PLCG1: variants seen among roughly 807,000 people sequenced by gnomAD.
The protein encoded by PLCG1 is phospholipase C gamma 1.
PLCG1 carries 71 observed loss-of-function variants against 177.8 expected under a neutral mutation model. The ratio of observed to expected loss-of-function variants is 0.40; its 90% confidence interval spans 0.33 to 0.49. The LOEUF is 0.49. Among genes scored for constraint, PLCG1 ranks in the 20% least tolerant of loss-of-function variants. The pLI, the probability that PLCG1 is intolerant of heterozygous loss-of-function variation, is 0.72. For missense variants in PLCG1, 1,281 were observed against 1,709.0 expected, an observed-to-expected ratio of 0.75 and a Z score of 4.42; for synonymous variants, 658 against 647.9, an observed-to-expected ratio of 1.02 and a Z score of -0.24.
Position 41,137,689 on chromosome 20 carries a change from G to C in PLCG1, c.48G>C (p.Ala16=). ...SPCANGCGPG[A]PSDAEVLHLC... Reference sequence around the variant, plus strand: ...GCGCCAACGGCTGCGGGCCCGGCGCGCCCTCGGACGCCGAGGTGCTGCACC... The same window carrying C: ...GCGCCAACGGCTGCGGGCCCGGCGCCCCCTCGGACGCCGAGGTGCTGCACC... The change falls in exon 1 of 32, where the codon GCG becomes GCC. Residue 16 remains alanine, a synonymous_variant. Transcript: ENST00000685551. This position sits in a 1 kb window ranked among gnomAD's most constrained non-coding sequence, Gnocchi z 7.3. 2 of 1,319,826 alleles carry C rather than the reference G, an allele frequency of 1.5e-6. No homozygotes were observed. Among genetic ancestry groups the C allele is most frequent in the Non-Finnish European group, 1.9e-6 (2 of 1,033,714 alleles). 81.8% of individuals were successfully genotyped at this position (1,319,826 alleles called of 1,614,324 possible).
In PLCG1 at chr20:41,159,453, C is replaced by T. The variant is rs1289420586; in HGVS notation, c.218-153C>T. On this transcript the variant is annotated intron_variant, in intron 1 of 31. Transcript: ENST00000685551. This position sits in a 1 kb window ranked among gnomAD's most constrained non-coding sequence, Gnocchi z 6.0. Reference sequence around the variant, plus strand: ...GCCTATCCCTAGACTCAACCCAGCCCTCTTATTACCAGAGTGACTGAGTGG... The same window carrying T: ...GCCTATCCCTAGACTCAACCCAGCCTTCTTATTACCAGAGTGACTGAGTGG... 6.6e-6 allele frequency among the ~76,000 whole-genome samples: 1 copy of T among 152,184 alleles called. No homozygotes were observed. The highest frequency in any genetic ancestry group is 6.5e-5 in the Admixed American group (1 of 15,284).
rs770545076 is a variant in PLCG1, at chr20:41,166,635, T to C, written c.2120+40T>C. The C allele has an allele frequency of 3.5e-5, 56 of 1,614,000 alleles. No homozygotes were observed. The highest frequency in any genetic ancestry group is 3.8e-5 in the Non-Finnish European group (45 of 1,179,964). ...ACTGGGTTGTGGGGCCTTGCTTGGG[T>C]CTGAGCTGCCCTGACCCTGTGTGAC... On this transcript the variant is annotated intron_variant, in intron 18 of 31. Transcript: ENST00000685551. This position sits in a 1 kb window ranked among gnomAD's most constrained non-coding sequence, Gnocchi z 8.6.
In PLCG1 at chr20:41,169,559, TC is replaced by T. The variant is rs779604994; in HGVS notation, c.2650+36del. 2.8e-5 allele frequency: 43 copies of T among 1,521,304 alleles called. No individual in the cohort carries two copies. In the African/African-American group the frequency reaches 4.5e-4, roughly 16 times the overall value. 94.2% of individuals were successfully genotyped at this position (1,521,304 alleles called of 1,614,324 possible). A position where few individuals can be genotyped will look rare whatever the true frequency, so the allele number is the denominator to read the frequency against. On this transcript the variant is annotated intron_variant, in intron 23 of 31. Coordinates refer to ENST00000685551, the MANE Select transcript of PLCG1 (RefSeq NM_002660.3). ...CCCATCTGTTTCTCTTGCCCACTGT[TC>T]CCTAGGGTGAGATTCTTCTTTGTAT...
At position 41,163,903 on chromosome 20, in the gene PLCG1, C is replaced by T. The variant is rs1475103027; in HGVS notation, c.1011-18C>T. Reference sequence around the variant, plus strand: ...GGCCCATCTGACCATACCTACCTGCCTCTCCTTGCCTATCCAGGTACCTGA... The same window carrying T: ...GGCCCATCTGACCATACCTACCTGCTTCTCCTTGCCTATCCAGGTACCTGA... On this transcript the variant is annotated intron_variant, in intron 10 of 31. Coordinates refer to ENST00000685551, the MANE Select transcript of PLCG1 (RefSeq NM_002660.3). The surrounding 1 kb of genome is among the most constrained non-coding windows in gnomAD (Gnocchi z 5.2). 6.2e-7 allele frequency: 1 copy of T among 1,613,090 alleles called. No individual in the cohort carries two copies. Among genetic ancestry groups the T allele is most frequent in the Middle Eastern group, 1.7e-4 (1 of 6,058 alleles).
Position 41,159,501 on chromosome 20 carries a change from C to A in PLCG1, c.218-105C>A. 8.5e-7 allele frequency: 1 copy of A among 1,171,478 alleles called. No homozygotes were observed. The highest frequency in any genetic ancestry group is 1.2e-6 in the Non-Finnish European group (1 of 824,772). 72.6% of individuals were successfully genotyped at this position (1,171,478 alleles called of 1,614,324 possible). Reference sequence around the variant, plus strand: ...TGGTCTTGGCTCTGCCTCTGGGGTTCCTCCCTGAGAGAGAGTGTAAGAATG... The same window carrying A: ...TGGTCTTGGCTCTGCCTCTGGGGTTACTCCCTGAGAGAGAGTGTAAGAATG... On this transcript the variant is annotated intron_variant, in intron 1 of 31. Transcript: ENST00000685551. The surrounding 1 kb of genome is among the most constrained non-coding windows in gnomAD (Gnocchi z 6.0).
At chr20:41,158,159 G>A (rs182011560) in intron 1 of PLCG1, among the ~76,000 whole-genome samples, 7 of 152,240 alleles carry the variant, frequency 4.6e-5, no homozygotes, top group African/African-American at 1.7e-4. Flanking sequence ...GGATAGATGT[G>A]GAGTTTTGTG....
At position 41,150,280 on chromosome 20, in the gene PLCG1, A is replaced by G. The variant is rs1465066196; in HGVS notation, c.218-9326A>G. Among the ~76,000 whole-genome samples, 1 of 152,246 alleles carries G rather than the reference A, an allele frequency of 6.6e-6. No homozygotes were observed. The highest frequency in any genetic ancestry group is 6.5e-5 in the Admixed American group (1 of 15,282). The stretch of plus-strand genomic sequence containing the variant: ...CCAGGAGTTTGAGACAAGCTTGGGC[A>G]ACATAGTGAGACCCCATCTCTATAA... On this transcript the variant is annotated intron_variant, in intron 1 of 31. Transcript: ENST00000685551. The surrounding 1 kb of genome is among the most constrained non-coding windows in gnomAD (Gnocchi z 4.0).
rs997002378 is a variant in PLCG1 at position 41,153,567 on chromosome 20, C to T, written c.218-6039C>T. 1.3e-5 allele frequency among the ~76,000 whole-genome samples: 2 copies of T among 152,046 alleles called. No individual in the cohort carries two copies. The highest frequency in any genetic ancestry group is 1.5e-5 in the Non-Finnish European group (1 of 68,012). On this transcript the variant is annotated intron_variant, in intron 1 of 31. Transcript: ENST00000685551. This position sits in a 1 kb window ranked among gnomAD's most constrained non-coding sequence, Gnocchi z 5.1. ...TCTTGCCTCAGCCTTCTAAAGTGAG[C>T]GTATGCACTTTATAAAGGGAAAACC...
chr20:41,143,863 C>T (rs2034908903), intron 1 of PLCG1, among the ~76,000 whole-genome samples: 1 of 152,106 alleles, frequency 6.6e-6, no homozygotes. Flanking sequence ...TGAAAACTAC[C>T]CAGCACAACA....
Position 41,151,232 on chromosome 20 carries a change from G to GT in PLCG1, c.218-8373dup, listed in dbSNP as rs141448673. Among the ~76,000 whole-genome samples, 1,070 of 152,236 alleles carry GT rather than the reference G, an allele frequency of 7.0e-3. 11 individuals carry two copies. The highest frequency in any genetic ancestry group is 8.4e-3 in the Non-Finnish European group (572 of 68,010). On this transcript the variant is annotated intron_variant, in intron 1 of 31. Transcript: ENST00000685551. This position sits in a 1 kb window ranked among gnomAD's most constrained non-coding sequence, Gnocchi z 5.5. Reference sequence around the variant, plus strand: ...GGCTGTGGCTGCTCTGTGTTTCTCTGTATACCCAGTGTCAGGGATAGCAGC... The same window carrying GT: ...GGCTGTGGCTGCTCTGTGTTTCTCTGTTATACCCAGTGTCAGGGATAGCAGC...
Position 41,177,376 on chromosome 20 carries a change from T to A in PLCG1, c.*2867T>A, listed in dbSNP as rs2036093428. On this transcript the variant is annotated 3_prime_UTR_variant, in exon 32 of 32. Transcript: ENST00000685551. ...GGAGCAGTTTCTGACCTCAGTTGAG[T>A]ATCTGTGGCCATGAGCAGAAAAGGC... The A allele has an allele frequency of 6.6e-6, 1 of 152,222 alleles. No homozygotes were observed. The highest frequency in any genetic ancestry group is 6.5e-5 in the Admixed American group (1 of 15,292). 9.4% of individuals were successfully genotyped at this position (152,222 alleles called of 1,614,324 possible). A position where few individuals can be genotyped will look rare whatever the true frequency, so the allele number is the denominator to read the frequency against.
intron 24 of PLCG1, among the ~76,000 whole-genome samples, chr20:41,171,144 A>G (rs773284883): frequency 3.9e-5 from 6 of 152,176 alleles, no homozygotes; most frequent in Non-Finnish European, 5.9e-5. Flanking sequence ...ATGGGTCTGT[A>G]GCTGCTTTGG....
At position 41,137,741 on chromosome 20, in the gene PLCG1, G is replaced by T; in HGVS notation, c.100G>T (p.Val34Phe). The T allele has an allele frequency of 7.6e-7, 1 of 1,322,842 alleles. No individual in the cohort carries two copies. Among genetic ancestry groups the T allele is most frequent in the Non-Finnish European group, 9.7e-7 (1 of 1,031,190 alleles). 81.9% of individuals were successfully genotyped at this position (1,322,842 alleles called of 1,614,324 possible). A position where few individuals can be genotyped will look rare whatever the true frequency, so the allele number is the denominator to read the frequency against. ...HLCRSLEVGT[V>F]MTLFYSKKSQ... Reference sequence around the variant, plus strand: ...CTGCCGCAGCCTCGAGGTGGGCACCGTCATGACTTTGTTCTACTCCAAGAA... The same window carrying T: ...CTGCCGCAGCCTCGAGGTGGGCACCTTCATGACTTTGTTCTACTCCAAGAA... Residue 34 changes from valine to phenylalanine, a missense_variant, in exon 1 of 32, where the codon GTC becomes TTC. Physicochemically the swap from Val to Phe is conservative, Grantham distance 50. This residue lies in a region of PLCG1 where 374 missense variants were observed against 443.8 expected (regional missense o/e 0.84). Coordinates refer to ENST00000685551, the MANE Select transcript of PLCG1 (RefSeq NM_002660.3). The surrounding 1 kb of genome is among the most constrained non-coding windows in gnomAD (Gnocchi z 7.3).
intron 1 of PLCG1, among the ~76,000 whole-genome samples, chr20:41,139,074 G>A (rs2034723927): frequency 6.6e-6 from 1 of 152,194 alleles, no homozygotes; most frequent in Admixed American, 6.5e-5. Context: ...TCTTGGGTAT[G>A]GTGTGCATGT....
Position 41,166,927 on chromosome 20 carries a change from T to A in PLCG1, c.2301+68T>A. On this transcript the variant is annotated intron_variant, in intron 19 of 31. Transcript: ENST00000685551. This position sits in a 1 kb window ranked among gnomAD's most constrained non-coding sequence, Gnocchi z 8.6. ...AGAGACCCAGAATCTTACCAGTCTC[T>A]GGATGTGTGTAACAGCAAGACCTGG... The A allele has an allele frequency of 7.0e-7, 1 of 1,436,010 alleles. No individual in the cohort carries two copies. Among genetic ancestry groups the A allele is most frequent in the Non-Finnish European group, 9.8e-7 (1 of 1,025,344 alleles). 89.0% of individuals were successfully genotyped at this position (1,436,010 alleles called of 1,614,324 possible).
rs376384905 is a variant in PLCG1 at position 41,166,181 on chromosome 20, G to T, written c.1800-13G>T. On this transcript the variant is annotated splice_polypyrimidine_tract_variant and intron_variant, in intron 16 of 31. Coordinates refer to ENST00000685551, the MANE Select transcript of PLCG1 (RefSeq NM_002660.3). This position sits in a 1 kb window ranked among gnomAD's most constrained non-coding sequence, Gnocchi z 8.6. ...TGTTTTCCCCAGCCTCCCTCACTCT[G>T]TGTCTTCCACAGGCGGAACGGGAAA... 1 of 1,610,116 alleles carries T rather than the reference G, an allele frequency of 6.2e-7. No individual in the cohort carries two copies. Among genetic ancestry groups the T allele is most frequent in the Non-Finnish European group, 8.5e-7 (1 of 1,178,824 alleles).
rs2035695861 is a variant in PLCG1 at position 41,166,439 on chromosome 20, G to GGT, written c.2001-35_2001-34dup. On this transcript the variant is annotated intron_variant, in intron 17 of 31. Coordinates refer to ENST00000685551, the MANE Select transcript of PLCG1 (RefSeq NM_002660.3). This position sits in a 1 kb window ranked among gnomAD's most constrained non-coding sequence, Gnocchi z 8.6. ...GCGGACAAGGCAGGGCAGGGCCATG[G>GGT]GTGGTGCTGGCCGGGCCTGACTCTG... is the stretch of plus-strand genomic sequence containing the variant. The GGT allele has an allele frequency of 1.2e-6, 2 of 1,613,852 alleles. No homozygotes were observed. The highest frequency in any genetic ancestry group is 2.7e-5 in the African/African-American group (2 of 74,926).
Position 41,165,691 on chromosome 20 carries a change from TA to T in PLCG1, c.1665del (p.Ala557GlnfsTer67). On this transcript the variant is annotated frameshift_variant, in exon 16 of 32. Coordinates refer to ENST00000685551, the MANE Select transcript of PLCG1 (RefSeq NM_002660.3). LOFTEE classifies it high-confidence loss of function. This position sits in a 1 kb window ranked among gnomAD's most constrained non-coding sequence, Gnocchi z 6.6. Reference sequence around the variant, plus strand: ...AATGAGAAGTGGTTCCATGGGAAGCTAGGGGCAGGGCGTGACGGGCGTCACA... The same window carrying T: ...AATGAGAAGTGGTTCCATGGGAAGCTGGGGCAGGGCGTGACGGGCGTCACA... The part of the protein sequence containing the change: ...HSNEKWFHGK[L>X]GAGRDGRHIA... 2 of 1,614,004 alleles carry T rather than the reference TA, an allele frequency of 1.2e-6. No homozygotes were observed. The highest frequency in any genetic ancestry group is 1.7e-6 in the Non-Finnish European group (2 of 1,179,938).
rs1425407458 is a variant in PLCG1, at chr20:41,166,254, GTTC to G, written c.1866_1868del (p.Phe622del). The G allele has an allele frequency of 6.2e-7, 1 of 1,614,066 alleles. No homozygotes were observed. Among genetic ancestry groups the G allele is most frequent in the Admixed American group, 1.7e-5 (1 of 60,018 alleles). On this transcript the variant is annotated inframe_deletion, in exon 17 of 32. Transcript: ENST00000685551. The surrounding 1 kb of genome is among the most constrained non-coding windows in gnomAD (Gnocchi z 8.6). ...CCCGGCAAGATGCTGGGACCCCCAA[GTTC>G]TTCTTGACAGACAACCTCGTCTTTG...
Sources: gnomAD v4.1 joint callset for allele counts (sites outside exome capture counted in the v4.1 genomes callset) on GRCh38, gnomAD v4.1.1 for gene constraint, gnomAD v4.1.1 regional missense constraint, Gnocchi (gnomAD v3.1) non-coding constraint, MANE v1.5 for transcripts, NCBI Gene and HGNC (gene_info 2026-07-23, HGNC 2026-07-21) for gene names.